The following ZFP3 variants were observed in gnomAD, a reference collection of about 807,000 sequenced individuals.
The protein encoded by ZFP3 is ZFP3 zinc finger protein.
ZFP3 carries 18 observed loss-of-function variants against 36.7 expected under a neutral mutation model. The observed-to-expected ratio is 0.49, with a 90% confidence interval of 0.34 to 0.73. The LOEUF is 0.73. Among genes scored for constraint, ZFP3 ranks in the 30% least tolerant of loss-of-function variants. ZFP3 has a pLI of 0.01. For synonymous variants in ZFP3, 218 were observed against 199.0 expected (o/e 1.10, Z -0.81); for missense variants, 495 against 599.0 (o/e 0.83, Z 1.81).
chr17:5,090,742 CT>C (rs1005675614), intron 1 of ZFP3, among the ~76,000 whole-genome samples: 48 of 152,136 alleles, frequency 3.2e-4, no homozygotes, highest in African/African-American at 1.1e-3. Flanking sequence ...GCAGTCTCCA[CT>C]TATTGCAACC....
rs569011461 is a variant in ZFP3, at chr17:5,096,197, A to G, written c.*3184A>G. On this transcript the variant is annotated 3_prime_UTR_variant, in exon 2 of 2. Coordinates refer to ENST00000318833, the MANE Select transcript of ZFP3 (RefSeq NM_153018.3). The stretch of plus-strand genomic sequence containing the variant: ...CAAGGAAAGGACATGAATTGTCTTA[A>G]TTTTAGACCCATTAAAAAACCGCAC... The G allele has an allele frequency of 6.6e-5, 11 of 167,156 alleles. No individual in the cohort carries two copies. The highest frequency in any genetic ancestry group is 2.2e-4 in the African/African-American group (9 of 41,572). 10.4% of individuals were successfully genotyped at this position (167,156 alleles called of 1,614,324 possible).
chr17:5,083,545 C>CAAAA (rs35689875), intron 1 of ZFP3, among the ~76,000 whole-genome samples: 1 of 138,934 alleles, frequency 7.2e-6, no homozygotes. Flanking sequence ...AACTCTATCT[C>CAAAA]AAAAAAAAAA....
intron 1 of ZFP3, among the ~76,000 whole-genome samples, chr17:5,086,516 T>C (rs920409209): frequency 6.6e-6 from 1 of 152,114 alleles, no homozygotes; most frequent in Non-Finnish European, 1.5e-5. Context: ...TATAAACATG[T>C]TCATATCTCT....
At chr17:5,088,023 T>G (rs1329266168) in intron 1 of ZFP3, among the ~76,000 whole-genome samples, 1 of 152,106 alleles carries the variant, frequency 6.6e-6, no homozygotes, top group African/African-American at 2.4e-5. Flanking sequence ...TCGCAGCCTC[T>G]GATGGTTCTC....
rs764885050 is a variant in ZFP3, at chr17:5,092,298, G to C, written c.794G>C (p.Ser265Thr). ...GAATGTGGGAAGACCTTTAGGGTTA[G>C]TTCACAGCTTATTCAGCATCAGAGA... ...CNECGKTFRV[S>T]SQLIQHQRIH... The change falls in exon 2 of 2, where the codon AGT (serine) becomes ACT (threonine). Residue 265 changes from serine to threonine, a missense_variant. Ser to Thr is a moderately conservative substitution (Grantham distance 58). Around this residue, in one of 3 missense-constraint regions of ZFP3, gnomAD observed 103 missense variants for 186.8 expected, o/e 0.55. Coordinates refer to ENST00000318833, the MANE Select transcript of ZFP3 (RefSeq NM_153018.3). The surrounding 1 kb of genome is among the most constrained non-coding windows in gnomAD (Gnocchi z 5.0). The C allele has an allele frequency of 6.2e-6, 10 of 1,613,868 alleles. No homozygotes were observed. In the Admixed American group the frequency reaches 1.0e-4, roughly 16 times the overall value.
intron 1 of ZFP3, among the ~76,000 whole-genome samples, chr17:5,090,834 C>G (rs2143531375): frequency 6.6e-6 from 1 of 152,104 alleles, no homozygotes; most frequent in Admixed American, 6.6e-5. Flanking sequence ...CCATGCCCAG[C>G]TAGTTTTTGT....
chr17:5,089,747 CT>C (rs1176139210), intron 1 of ZFP3, among the ~76,000 whole-genome samples: 2 of 151,284 alleles, frequency 1.3e-5, no homozygotes, highest in African/African-American at 4.9e-5. Flanking sequence ...CCTTGACCCC[CT>C]GGGCTCAAGT....
rs376981816 is a variant in ZFP3 at position 5,094,137 on chromosome 17, C to G, written c.*1124C>G. 6.0e-6 allele frequency: 1 copy of G among 167,148 alleles called. No homozygotes were observed. The highest frequency in any genetic ancestry group is 1.5e-5 in the Non-Finnish European group (1 of 68,152). The allele number at this position is 167,148 out of a possible 1,614,324, so 10.4% of individuals were successfully genotyped here. On this transcript the variant is annotated 3_prime_UTR_variant, in exon 2 of 2. Transcript: ENST00000318833. Reference sequence around the variant, plus strand: ...GCACTTAAGTTCTCATGACCTGGACCGCACTGGAGGCCCTGGCTAAGTCAG... The same window carrying G: ...GCACTTAAGTTCTCATGACCTGGACGGCACTGGAGGCCCTGGCTAAGTCAG...
At chr17:5,084,962 T>G (rs1020625004) in intron 1 of ZFP3, among the ~76,000 whole-genome samples, 3 of 152,346 alleles carry the variant, frequency 2.0e-5, no homozygotes, top group Admixed American at 6.5e-5. Context: ...GAGCAGTATT[T>G]GACAAATGAC....
Position 5,091,743 on chromosome 17 carries a change from C to A in ZFP3, c.239C>A (p.Pro80His). The A allele has an allele frequency of 6.2e-7, 1 of 1,614,158 alleles. No homozygotes were observed. The change falls in exon 2 of 2, where the codon CCC (proline) becomes CAC (histidine). Residue 80 changes from proline (P) to histidine (H), a missense_variant. Coordinates refer to ENST00000318833, the MANE Select transcript of ZFP3 (RefSeq NM_153018.3). The part of the protein sequence containing the change: ...PSGLMIFKKS[P>H]SSEKDRENNE... ...GGGTTGATGATCTTTAAGAAATCAC[C>A]CTCAAGTGAGAAAGACCGGGAGAAT... is the stretch of plus-strand genomic sequence containing the variant.
Position 5,093,277 on chromosome 17 carries a change from A to C in ZFP3, c.*264A>C, listed in dbSNP as rs369615711. The C allele has an allele frequency of 1.3e-4, 48 of 376,872 alleles. 1 individual carries two copies. Among genetic ancestry groups the C allele is most frequent in the East Asian group, 1.2e-3 (27 of 22,548 alleles). 23.3% of individuals were successfully genotyped at this position (376,872 alleles called of 1,614,324 possible). A position where few individuals can be genotyped will look rare whatever the true frequency, so the allele number is the denominator to read the frequency against. ...ACTGCTTCCTTGAACTCCTGGGCTC[A>C]AACAGTCCTCCTGCCTCAGCCTTCC... On this transcript the variant is annotated 3_prime_UTR_variant, in exon 2 of 2. Coordinates refer to ENST00000318833, the MANE Select transcript of ZFP3 (RefSeq NM_153018.3).
chr17:5,090,916 G>A (rs1250946487), intron 1 of ZFP3, among the ~76,000 whole-genome samples: 3 of 152,008 alleles, frequency 2.0e-5, no homozygotes, highest in African/African-American at 4.8e-5. Flanking sequence ...TGATCCGCCC[G>A]CCTCGGCCTC....
At chr17:5,086,505 A>G (rs191042625) in intron 1 of ZFP3, among the ~76,000 whole-genome samples, 195 of 151,728 alleles carry the variant, frequency 1.3e-3, no homozygotes, top group Middle Eastern at 6.9e-3. Context: ...ATTCCTTCTA[A>G]TATAAACATG....
intron 1 of ZFP3, among the ~76,000 whole-genome samples, chr17:5,081,875 A>G (rs2072095379): frequency 6.8e-6 from 1 of 146,330 alleles, no homozygotes; most frequent in South Asian, 2.4e-4. Flanking sequence ...TGTTGGGATT[A>G]CAGGCGTGAG....
rs1172979357 is a variant in ZFP3, at chr17:5,091,994, A to G, written c.490A>G (p.Ser164Gly). The G allele has an allele frequency of 6.2e-7, 1 of 1,614,244 alleles. No individual in the cohort carries two copies. The highest frequency in any genetic ancestry group is 1.7e-5 in the Admixed American group (1 of 60,032). Residue 164 changes from serine (S) to glycine (G), a missense_variant, in exon 2 of 2, where the codon AGT becomes GGT. Physicochemically the swap from Ser to Gly is moderately conservative, Grantham distance 56. Around this residue, in one of 3 missense-constraint regions of ZFP3, gnomAD observed 229 missense variants for 233.8 expected, o/e 0.98. Transcript: ENST00000318833. ...TCTCATCCAGCATATGAGAGTTCAT[A>G]GTGGAGAAAAACCCTTTGAATGTAA... ...SHLIQHMRVHSGEKPFECKEC... is the reference protein window; with the variant it reads ...SHLIQHMRVHGGEKPFECKEC...
In ZFP3 at chr17:5,095,432, A is replaced by G. The variant is rs1250253247; in HGVS notation, c.*2419A>G. 1 of 166,880 alleles carries G rather than the reference A, an allele frequency of 6.0e-6. No individual in the cohort carries two copies. The highest frequency in any genetic ancestry group is 1.5e-5 in the Non-Finnish European group (1 of 68,076). The allele number at this position is 166,880 out of a possible 1,614,324, so 10.3% of individuals were successfully genotyped here. On this transcript the variant is annotated 3_prime_UTR_variant, in exon 2 of 2. Transcript: ENST00000318833. The stretch of plus-strand genomic sequence containing the variant: ...CCAGACCGTATCTTTCTCACATGAA[A>G]CCTGGATCTCACCTATCCCTTCCAT...
At chr17:5,090,617 C>A (rs1163207276) in intron 1 of ZFP3, among the ~76,000 whole-genome samples, 1 of 152,144 alleles carries the variant, frequency 6.6e-6, no homozygotes, top group Non-Finnish European at 1.5e-5. Context: ...CCTCTTGTTA[C>A]TCATTTTGCA....
chr17:5,092,571 T>C lies in ZFP3; in HGVS notation c.1067T>C (p.Ile356Thr), dbSNP rs768515574. 8 of 1,613,704 alleles carry C rather than the reference T, an allele frequency of 5.0e-6. No individual in the cohort carries two copies. Among genetic ancestry groups the C allele is most frequent in the African/African-American group, 2.7e-5 (2 of 74,790 alleles). The part of the protein sequence containing the change: ...FGQNSEIIRH[I>T]RIHTGEKPYV... Reference sequence around the variant, plus strand: ...CAGAACTCAGAGATTATTAGACATATTAGAATTCATACTGGTGAGAAGCCC... The same window carrying C: ...CAGAACTCAGAGATTATTAGACATACTAGAATTCATACTGGTGAGAAGCCC... Residue 356 changes from isoleucine (I) to threonine (T), a missense_variant, in exon 2 of 2, where the codon ATT (isoleucine) becomes ACT (threonine). By Grantham distance (89) the Ile-to-Thr change is moderately conservative (BLOSUM62 -1). This residue lies in a region of ZFP3 where 163 missense variants were observed against 178.4 expected (regional missense o/e 0.91). Coordinates refer to ENST00000318833, the MANE Select transcript of ZFP3 (RefSeq NM_153018.3). The surrounding 1 kb of genome is among the most constrained non-coding windows in gnomAD (Gnocchi z 5.0).
chr17:5,085,587 C>T (rs992891377), intron 1 of ZFP3, among the ~76,000 whole-genome samples: 11 of 152,076 alleles, frequency 7.2e-5, no homozygotes, highest in Admixed American at 2.6e-4. Flanking sequence ...CCAGGATGGT[C>T]TTGATCTCCT....
Sources: gnomAD v4.1 joint callset for allele counts (sites outside exome capture counted in the v4.1 genomes callset) on GRCh38, gnomAD v4.1.1 for gene constraint, gnomAD v4.1.1 regional missense constraint, Gnocchi (gnomAD v3.1) non-coding constraint, MANE v1.5 for transcripts, NCBI Gene and HGNC (gene_info 2026-07-23, HGNC 2026-07-21) for gene names.